Variants in SLMAP observed in about 807,000 individuals in gnomAD.
The protein encoded by SLMAP is sarcolemmal membrane-associated protein.
SLMAP carries 44 observed loss-of-function variants against 128.8 expected under a neutral mutation model. The observed-to-expected ratio is 0.34, with a 90% CI of 0.27 to 0.44. The LOEUF is 0.44. SLMAP is among the 20% of genes least tolerant of loss of function. The pLI is 1.00. For synonymous variants in SLMAP, 327 were observed against 348.8 expected (o/e 0.94, Z 0.70); for missense variants, 787 against 985.3 (o/e 0.80, Z 2.69).
intron 2 of SLMAP, among the ~76,000 whole-genome samples, chr3:57,799,577 T>A (rs2087692443): frequency 6.6e-6 from 1 of 152,188 alleles, no homozygotes; most frequent in Non-Finnish European, 1.5e-5. Flanking sequence ...CTTTAAACAT[T>A]TTGAGCTTTT....
chr3:57,894,860 G>A (rs1179153625), intron 15 of SLMAP, among the ~76,000 whole-genome samples: 1 of 152,188 alleles, frequency 6.6e-6, no homozygotes, highest in Non-Finnish European at 1.5e-5. Flanking sequence ...GAGCTCCTGT[G>A]GGAAATAATG....
At chr3:57,863,933 A>T (rs1224985718) in intron 10 of SLMAP, among the ~76,000 whole-genome samples, 1 of 152,204 alleles carries the variant, frequency 6.6e-6, no homozygotes, top group Non-Finnish European at 1.5e-5. Flanking sequence ...AATTTTAGGG[A>T]AAAATCTTAC....
chr3:57,863,358 GAT>G (rs2095178433), intron 10 of SLMAP, among the ~76,000 whole-genome samples: 1 of 152,216 alleles, frequency 6.6e-6, no homozygotes, highest in Non-Finnish European at 1.5e-5. Flanking sequence ...GTGCCTAGAA[GAT>G]ATGTGTTTGT....
intron 2 of SLMAP, among the ~76,000 whole-genome samples, chr3:57,822,809 C>T (rs2092627929): frequency 6.6e-6 from 1 of 152,214 alleles, no homozygotes. Context: ...TTTAAAGAGA[C>T]AGCACATTCC....
At chr3:57,850,626 A>G (rs961887407) in intron 6 of SLMAP, among the ~76,000 whole-genome samples, 5 of 151,634 alleles carry the variant, frequency 3.3e-5, no homozygotes, top group African/African-American at 1.2e-4. Context: ...GTTTTGTTTT[A>G]TTTTATTTTA....
chr3:57,885,030 ATG>A (rs966677677), intron 14 of SLMAP, among the ~76,000 whole-genome samples: 2 of 152,096 alleles, frequency 1.3e-5, no homozygotes, highest in Non-Finnish European at 2.9e-5. Context: ...ACACAGAAAA[ATG>A]TGAGTAGGGA....
chr3:57,759,666 C>G (rs1289089150), intron 2 of SLMAP, among the ~76,000 whole-genome samples: 1 of 152,226 alleles, frequency 6.6e-6, no homozygotes, highest in Non-Finnish European at 1.5e-5. Flanking sequence ...TGCCTTAACT[C>G]AACCAGCTTT....
At chr3:57,817,570 A>C (rs1223582275) in intron 2 of SLMAP, among the ~76,000 whole-genome samples, 1 of 152,236 alleles carries the variant, frequency 6.6e-6, no homozygotes, top group African/African-American at 2.4e-5. Context: ...TGCCATATTC[A>C]TGAGGAGTCT....
intron 8 of SLMAP, among the ~76,000 whole-genome samples, chr3:57,860,011 A>T (rs915901812): frequency 2.6e-5 from 4 of 152,190 alleles, no homozygotes; most frequent in African/African-American, 9.7e-5. Flanking sequence ...CACTCCACTT[A>T]GATTTAAACA....
chr3:57,891,705 TAACTGGAATTATAGGCGC>T (rs1392566497), intron 15 of SLMAP, among the ~76,000 whole-genome samples: 1 of 152,004 alleles, frequency 6.6e-6, no homozygotes, highest in East Asian at 1.9e-4. Flanking sequence ...GCCTCCTGAG[TAACTGGAATTATAGGCGC>T]ATGCCACCAT....
At chr3:57,925,730 T>C (rs939700446) in intron 23 of SLMAP, 115 bp from the exon 24 acceptor site, 2 of 700,418 alleles carry the variant, frequency 2.9e-6, no homozygotes, top group Non-Finnish European at 2.5e-6. Flanking sequence ...ACCTGAGTGG[T>C]ATACTTCTAT....
intron 6 of SLMAP, among the ~76,000 whole-genome samples, chr3:57,857,365 T>G (rs1406218793): frequency 6.6e-6 from 1 of 152,202 alleles, no homozygotes; most frequent in Admixed American, 6.5e-5. Flanking sequence ...TGTTTTTTCC[T>G]ATATATACAC....
At chr3:57,905,641 A>G (rs533565662) in intron 17 of SLMAP, among the ~76,000 whole-genome samples, 18 of 152,328 alleles carry the variant, frequency 1.2e-4, no homozygotes, top group African/African-American at 4.3e-4. Flanking sequence ...CAACAGTGAG[A>G]AAAGTGGCTT....
chr3:57,851,779 C>G (rs1444278444), intron 6 of SLMAP, among the ~76,000 whole-genome samples: 1 of 152,022 alleles, frequency 6.6e-6, no homozygotes, highest in African/African-American at 2.4e-5. Flanking sequence ...GCCACCGCAC[C>G]AGGCAAGATT....
At chr3:57,860,206 A>C (rs1193747613) in intron 8 of SLMAP, among the ~76,000 whole-genome samples, 1 of 152,056 alleles carries the variant, frequency 6.6e-6, no homozygotes, top group Non-Finnish European at 1.5e-5. Flanking sequence ...GGTCTGTGTA[A>C]ATGTCTTCAG....
chr3:57,902,861 T>C (rs73088399), intron 17 of SLMAP, among the ~76,000 whole-genome samples: 17,761 of 152,192 alleles, frequency 0.12, 1,124 homozygotes, highest in South Asian at 0.16. Context: ...CCCAGCATAA[T>C]TATCGTCAAA....
chr3:57,858,224 A>T, intron 8 of SLMAP, 65 bp downstream of exon 8: 1 of 930,608 alleles, frequency 1.1e-6, no homozygotes. Flanking sequence ...CATTTCTTTG[A>T]CTATCATTTT....
At chr3:57,803,113 C>T (rs916946089) in intron 2 of SLMAP, among the ~76,000 whole-genome samples, 15 of 151,822 alleles carry the variant, frequency 9.9e-5, no homozygotes, top group African/African-American at 2.9e-4. Flanking sequence ...TAAAACCAAG[C>T]GAAGGCAAAT....
At chr3:57,907,360 G>A (rs985044836) in intron 17 of SLMAP, among the ~76,000 whole-genome samples, 8 of 152,190 alleles carry the variant, frequency 5.3e-5, no homozygotes, top group African/African-American at 1.9e-4. Flanking sequence ...TTGGGGAAAT[G>A]ATGATGACAA....
Sources: gnomAD v4.1 joint callset for allele counts (sites outside exome capture counted in the v4.1 genomes callset) on GRCh38, gnomAD v4.1.1 for gene constraint, MANE v1.5 for transcripts, NCBI Gene and HGNC (gene_info 2026-07-23, HGNC 2026-07-21) for gene names.